The following NEMP2 variants were observed in gnomAD, a reference collection of about 807,000 sequenced individuals.
NEMP2 encodes the protein nuclear envelope integral membrane protein 2.
NEMP2 carries 53 observed loss-of-function variants against 54.2 expected under a neutral mutation model. That is an observed-to-expected ratio of 0.98 (90% CI 0.78 to 1.23). The LOEUF (loss-of-function observed/expected upper bound fraction) is 1.23. Ranked by LOEUF, NEMP2 falls within the 50% of genes most tolerant of loss-of-function variation. NEMP2 has a pLI of 0.00. For synonymous variants in NEMP2, 197 were observed against 190.3 expected (o/e 1.04, Z -0.29); for missense variants, 455 against 511.3 (o/e 0.89, Z 1.06).
At chr2:190,425,282 A>G in the NEMP2 span, among the ~76,000 whole-genome samples, 15 of 152,200 alleles carry the variant, frequency 9.9e-5, no homozygotes, top group Admixed American at 6.5e-5. This position sits in a 1 kb window ranked among gnomAD's most constrained non-coding sequence, Gnocchi z 4.3. Context: ...GTTAACTGCA[A>G]ATAGGGACAG....
downstream of NEMP2, chr2:190,502,218 GA>G (rs1690057126): frequency 1.3e-5 from 2 of 152,096 alleles, no homozygotes; most frequent in South Asian, 4.1e-4. The surrounding 1 kb of genome is among the most constrained non-coding windows in gnomAD (Gnocchi z 4.4). Flanking sequence ...CTTGTGAGCT[GA>G]CACCTTCATG....
the NEMP2 span, among the ~76,000 whole-genome samples, chr2:190,647,401 A>C: frequency 6.6e-6 from 1 of 152,164 alleles, no homozygotes; most frequent in Non-Finnish European, 1.5e-5. Flanking sequence ...CAACATAAAG[A>C]TGTGGTTTGA....
the NEMP2 span, among the ~76,000 whole-genome samples, chr2:190,481,719 G>T: frequency 4.5e-4 from 68 of 152,240 alleles, no homozygotes; most frequent in Non-Finnish European, 8.8e-4. Context: ...TTGAATGCAT[G>T]AAGGGGATTC....
chr2:190,500,214 A>G (rs201152172), downstream of NEMP2: 20 of 1,614,098 alleles, frequency 1.2e-5, no homozygotes, highest in Non-Finnish European at 1.6e-5. The surrounding 1 kb of genome is among the most constrained non-coding windows in gnomAD (Gnocchi z 5.3). Flanking sequence ...GCGGGAGGAC[A>G]CTGAGGGCAT....
rs1308532097 is a variant in NEMP2 at position 190,522,920 on chromosome 2, G to A, written c.213+2343C>T. Among the ~76,000 whole-genome samples, 1 of 152,096 alleles carries A rather than the reference G, an allele frequency of 6.6e-6. No individual in the cohort carries two copies. The highest frequency in any genetic ancestry group is 1.5e-5 in the Non-Finnish European group (1 of 68,022). On this transcript the variant is annotated intron_variant, in intron 2 of 8. Transcript: ENST00000409150. This position sits in a 1 kb window ranked among gnomAD's most constrained non-coding sequence, Gnocchi z 5.0. ...GACCTAACTAATGTATACCTTAAAT[G>A]TATTTGATTAATGTCTCATGTCTCC... is the stretch of plus-strand genomic sequence containing the variant.
the NEMP2 span, among the ~76,000 whole-genome samples, chr2:190,591,572 G>A: frequency 6.6e-6 from 1 of 152,090 alleles, no homozygotes; most frequent in African/African-American, 2.4e-5. The surrounding 1 kb of genome is among the most constrained non-coding windows in gnomAD (Gnocchi z 5.4). Context: ...GTTAACAAAG[G>A]TTTCTGTGGT....
chr2:190,516,082 G>A (rs1690545651), intron 6 of NEMP2, among the ~76,000 whole-genome samples, 188 bp downstream of exon 6: 1 of 152,128 alleles, frequency 6.6e-6, no homozygotes, highest in South Asian at 2.1e-4. Context: ...CATCTAAAAT[G>A]AGATCTAAAT....
chr2:190,569,937 GA>G, the NEMP2 span, among the ~76,000 whole-genome samples: 3 of 152,142 alleles, frequency 2.0e-5, no homozygotes, highest in African/African-American at 7.2e-5. Flanking sequence ...ACAGTAATTA[GA>G]AACAATCCAC....
In NEMP2 at chr2:190,531,376, C is replaced by T. The variant is rs72909110; in HGVS notation, c.97+3183G>A. On this transcript the variant is annotated intron_variant, in intron 1 of 8. Coordinates refer to ENST00000409150, the MANE Select transcript of NEMP2 (RefSeq NM_001142645.2). The surrounding 1 kb of genome is among the most constrained non-coding windows in gnomAD (Gnocchi z 4.7). ...TATCTGTGGGATCAACCCTGAATGC[C>T]ATCCTTACTATGGAAAGACAGGTTT... Among the ~76,000 whole-genome samples the T allele has an allele frequency of 0.023, 3,485 of 152,282 alleles. 55 individuals are homozygous for T. Among genetic ancestry groups the T allele is most frequent in the Non-Finnish European group, 0.035 (2,371 of 68,006 alleles).
rs1485707826 is a variant in NEMP2, at chr2:190,534,561, G to C, written c.95C>G (p.Ser32Ter). The C allele has an allele frequency of 1.4e-6, 2 of 1,402,408 alleles. No homozygotes were observed. The highest frequency in any genetic ancestry group is 3.1e-5 in the East Asian group (1 of 32,600). The allele number at this position is 1,402,408 out of a possible 1,614,324, so 86.9% of individuals were successfully genotyped here. Residue 32 changes from serine (S) to a stop codon, truncating the protein, a stop_gained and splice_region_variant, in exon 1 of 9, where the codon TCA (serine) becomes TGA (stop). Coordinates refer to ENST00000409150, the MANE Select transcript of NEMP2 (RefSeq NM_001142645.2). LOFTEE classifies it high-confidence loss of function. ...CGCCGCCGCCGGTCCCGGGTTACCT[G>C]ATAACGCTGCCGCCGCCGCCTCCCC... is the stretch of plus-strand genomic sequence containing the variant. ...VRGEAAAAAL[S>*]VRRCKALKEK...
chr2:190,487,479 A>G, the NEMP2 span, among the ~76,000 whole-genome samples: 15 of 152,278 alleles, frequency 9.9e-5, no homozygotes, highest in Non-Finnish European at 2.1e-4. The surrounding 1 kb of genome is among the most constrained non-coding windows in gnomAD (Gnocchi z 5.5). Context: ...GGGGAAAAGT[A>G]GAAATAATCT....
At chr2:190,595,820 C>A in the NEMP2 span, among the ~76,000 whole-genome samples, 2 of 152,158 alleles carry the variant, frequency 1.3e-5, no homozygotes, top group Non-Finnish European at 2.9e-5. This position sits in a 1 kb window ranked among gnomAD's most constrained non-coding sequence, Gnocchi z 4.0. Flanking sequence ...ATTAGTTCAA[C>A]CACTGTGGAA....
At chr2:190,459,053 C>T in the NEMP2 span, among the ~76,000 whole-genome samples, 3 of 152,202 alleles carry the variant, frequency 2.0e-5, no homozygotes, top group East Asian at 1.9e-4. This position sits in a 1 kb window ranked among gnomAD's most constrained non-coding sequence, Gnocchi z 5.3. Flanking sequence ...AAAGCCCTTC[C>T]CATCCTTGAG....
At chr2:190,446,280 G>A in the NEMP2 span, among the ~76,000 whole-genome samples, 2 of 152,136 alleles carry the variant, frequency 1.3e-5, no homozygotes, top group African/African-American at 4.8e-5. Flanking sequence ...AGAGTATGCT[G>A]TTTTCACAAC....
At chr2:190,441,124 T>C in the NEMP2 span, among the ~76,000 whole-genome samples, 1 of 152,174 alleles carries the variant, frequency 6.6e-6, no homozygotes, top group Non-Finnish European at 1.5e-5. Context: ...CATCATCTTA[T>C]TTCTACCCAT....
the NEMP2 span, among the ~76,000 whole-genome samples, chr2:190,421,526 G>A: frequency 6.6e-6 from 1 of 152,002 alleles, no homozygotes; most frequent in Non-Finnish European, 1.5e-5. Flanking sequence ...ACAGACTTCT[G>A]TGCTCTTTTT....
At chr2:190,546,012 G>C in the NEMP2 span, among the ~76,000 whole-genome samples, 1 of 152,108 alleles carries the variant, frequency 6.6e-6, no homozygotes, top group Non-Finnish European at 1.5e-5. This position sits in a 1 kb window ranked among gnomAD's most constrained non-coding sequence, Gnocchi z 5.1. Flanking sequence ...GATACTCCTA[G>C]TATTTTATTT....
At chr2:190,584,571 T>C in the NEMP2 span, among the ~76,000 whole-genome samples, 1 of 152,078 alleles carries the variant, frequency 6.6e-6, no homozygotes, top group Admixed American at 6.6e-5. The surrounding 1 kb of genome is among the most constrained non-coding windows in gnomAD (Gnocchi z 4.2). Flanking sequence ...TTACACAATT[T>C]GTTAATATAA....
chr2:190,626,417 G>A, the NEMP2 span: 1 of 152,108 alleles, frequency 6.6e-6, no homozygotes, highest in Non-Finnish European at 1.5e-5. This position sits in a 1 kb window ranked among gnomAD's most constrained non-coding sequence, Gnocchi z 4.5. Context: ...AATGTACCCT[G>A]AGGAATGCCC....
Sources: gnomAD v4.1 joint callset for allele counts (sites outside exome capture counted in the v4.1 genomes callset) on GRCh38, gnomAD v4.1.1 for gene constraint, Gnocchi (gnomAD v3.1) non-coding constraint, MANE v1.5 for transcripts, NCBI Gene and HGNC (gene_info 2026-07-23, HGNC 2026-07-21) for gene names.